The following STK38L variants were observed in gnomAD, a reference collection of about 807,000 sequenced individuals.
STK38L encodes serine/threonine kinase 38 like.
A neutral mutation model predicts 59.7 loss-of-function variants in STK38L; 28 were observed. The observed-to-expected ratio is 0.47, with a 90% CI of 0.35 to 0.64. The LOEUF is 0.64. STK38L is among the 30% of genes least tolerant of loss of function. The pLI, the probability that STK38L is intolerant of heterozygous loss-of-function variation, is 0.01. For missense variants in STK38L, 314 were observed against 555.8 expected, an observed-to-expected ratio of 0.56 and a Z score of 4.37; for synonymous variants, 162 against 176.8, an observed-to-expected ratio of 0.92 and a Z score of 0.66.
At chr12:27,302,500 A>T in intron 3 of STK38L, 2 of 193,302 alleles carry the variant, frequency 1.0e-5, no homozygotes, top group Non-Finnish European at 2.1e-5. Context: ...TATTCTTTTA[A>T]AGCTATCTAT....
At chr12:27,265,262 A>G (rs962633096) in intron 1 of STK38L, among the ~76,000 whole-genome samples, 14 of 152,188 alleles carry the variant, frequency 9.2e-5, no homozygotes, top group African/African-American at 3.4e-4. Context: ...GGGATAGGAA[A>G]TATGTATGTG....
chr12:27,311,318 C>T (rs1308311634), intron 5 of STK38L, among the ~76,000 whole-genome samples: 1 of 152,190 alleles, frequency 6.6e-6, no homozygotes, highest in Non-Finnish European at 1.5e-5. Flanking sequence ...GTTCTTACTC[C>T]TCAACTCTTA....
chr12:27,322,513 G>A lies in STK38L; in HGVS notation c.*58G>A. 1 of 1,584,192 alleles carries A rather than the reference G, an allele frequency of 6.3e-7. No homozygotes were observed. The highest frequency in any genetic ancestry group is 1.2e-5 in the South Asian group (1 of 85,438). On this transcript the variant is annotated 3_prime_UTR_variant, in exon 14 of 14. Coordinates refer to ENST00000389032, the MANE Select transcript of STK38L (RefSeq NM_015000.4). ...CTCAGGTAGCTGCATCACCAGGCTT[G>A]CTTGGCGTAGATAACAATACACTGA...
chr12:27,290,712 CG>C (rs1943877490), intron 1 of STK38L, among the ~76,000 whole-genome samples: 1 of 152,056 alleles, frequency 6.6e-6, no homozygotes, highest in South Asian at 2.1e-4. Context: ...AGTCTGGGCA[CG>C]TGGGAATGGA....
intron 3 of STK38L, 77 bp downstream of exon 3, chr12:27,302,265 A>T (rs1047084718): frequency 5.3e-5 from 58 of 1,097,824 alleles, no homozygotes; most frequent in Middle Eastern, 2.1e-4. Context: ...GGTATTTTAT[A>T]ACTTAAATAA....
intron 1 of STK38L, among the ~76,000 whole-genome samples, chr12:27,252,011 G>T (rs1350918292): frequency 6.6e-6 from 1 of 151,898 alleles, no homozygotes; most frequent in Non-Finnish European, 1.5e-5. Context: ...ACGGAGTCTC[G>T]CTGTGTCACC....
At chr12:27,310,709 A>G (rs1232406342) in intron 5 of STK38L, among the ~76,000 whole-genome samples, 1 of 152,214 alleles carries the variant, frequency 6.6e-6, no homozygotes, top group Non-Finnish European at 1.5e-5. Context: ...AAAATTACAT[A>G]CATGACTTGT....
rs1384124762 is a variant in STK38L, at chr12:27,308,942, T to TATATATTA, written c.310-166_310-165insTAATATAT. On this transcript the variant is annotated intron_variant, in intron 4 of 13. Coordinates refer to ENST00000389032, the MANE Select transcript of STK38L (RefSeq NM_015000.4). This position sits in a 1 kb window ranked among gnomAD's most constrained non-coding sequence, Gnocchi z 4.5. ...TTAATATATATAAAATATATATAAA[T>TATATATTA]ATATATATAACATATATAAAAATAT... is the stretch of plus-strand genomic sequence containing the variant. Among the ~76,000 whole-genome samples, 6 of 143,910 alleles carry TATATATTA rather than the reference T, an allele frequency of 4.2e-5. No individual in the cohort carries two copies. Among genetic ancestry groups the TATATATTA allele is most frequent in the East Asian group, 2.0e-4 (1 of 5,110 alleles). The allele number at this position is 143,910 out of a possible 152,430, so 94.4% of individuals were successfully genotyped here.
chr12:27,255,088 T>G (rs1277113428), intron 1 of STK38L, among the ~76,000 whole-genome samples: 1 of 152,158 alleles, frequency 6.6e-6, no homozygotes, highest in African/African-American at 2.4e-5. Flanking sequence ...TCAATGAAAA[T>G]TATAAGCACA....
intron 2 of STK38L, among the ~76,000 whole-genome samples, chr12:27,301,423 T>C (rs1357241352): frequency 1.3e-5 from 2 of 152,170 alleles, no homozygotes; most frequent in African/African-American, 4.8e-5. Context: ...CATGCTCGGC[T>C]AATTTTTTTT....
chr12:27,300,854 T>G (rs1211035963), intron 2 of STK38L, among the ~76,000 whole-genome samples: 2 of 152,228 alleles, frequency 1.3e-5, no homozygotes, highest in Non-Finnish European at 2.9e-5. Flanking sequence ...CTAAGTGATC[T>G]TAATGATGGT....
At chr12:27,321,705 A>T (rs1481314589) in intron 12 of STK38L, among the ~76,000 whole-genome samples, 1 of 152,324 alleles carries the variant, frequency 6.6e-6, no homozygotes, top group South Asian at 2.1e-4. Context: ...AATAGAATGA[A>T]TAAGACCTAT....
chr12:27,279,026 T>C (rs1943596005), intron 1 of STK38L, among the ~76,000 whole-genome samples: 1 of 152,218 alleles, frequency 6.6e-6, no homozygotes, highest in Admixed American at 6.5e-5. Context: ...ATACAGACAG[T>C]CCCTGACTTA....
In STK38L at chr12:27,315,466, C is replaced by T. The variant is rs546688338; in HGVS notation, c.837+116C>T. On this transcript the variant is annotated intron_variant, in intron 9 of 13. Transcript: ENST00000389032. ...AGTATTTACTTCATAACAATGGTAG[C>T]GCTTGCTCTGGGATCACACAGTTTT... 4.2e-5 allele frequency: 33 copies of T among 785,884 alleles called. 1 individual carries two copies. In the South Asian group the frequency reaches 4.9e-4, roughly 12 times the overall value. 48.7% of individuals were successfully genotyped at this position (785,884 alleles called of 1,614,324 possible).
chr12:27,297,958 C>A, intron 2 of STK38L, 104 bp downstream of exon 2: 1 of 1,399,776 alleles, frequency 7.1e-7, no homozygotes, highest in South Asian at 1.4e-5. Flanking sequence ...TTATGGATCC[C>A]TGCATGCTGT....
chr12:27,247,715 G>A (rs998707285), intron 1 of STK38L, among the ~76,000 whole-genome samples: 10 of 151,650 alleles, frequency 6.6e-5, no homozygotes, highest in Admixed American at 6.6e-4. Context: ...TCACTGTCTT[G>A]CCCAGCCTGG....
At chr12:27,284,220 T>C (rs527798424) in intron 1 of STK38L, among the ~76,000 whole-genome samples, 1 of 152,070 alleles carries the variant, frequency 6.6e-6, no homozygotes, top group Admixed American at 6.6e-5. Context: ...TGTTCTGATA[T>C]CCAACTTTGC....
chr12:27,274,871 A>G (rs1183123531), intron 1 of STK38L, among the ~76,000 whole-genome samples: 1 of 152,196 alleles, frequency 6.6e-6, no homozygotes, highest in Non-Finnish European at 1.5e-5. Context: ...ACAGTATCTC[A>G]GTAATCTCCG....
At position 27,289,082 on chromosome 12, in the gene STK38L, A is replaced by C. The variant is rs1180262367; in HGVS notation, c.-11-8628A>C. ...CATTTCTGCTGAGGTAATTTTTTAA[A>C]GTTAACTATGACTTGATTCAGCTGA... On this transcript the variant is annotated intron_variant, in intron 1 of 13. Transcript: ENST00000389032. Among the ~76,000 whole-genome samples, 4 of 152,168 alleles carry C rather than the reference A, an allele frequency of 2.6e-5. No homozygotes were observed. The East Asian group carries it at 7.7e-4, about 29-fold the overall frequency.
Sources: allele counts gnomAD v4.1 joint callset (sites outside exome capture counted in the v4.1 genomes callset), GRCh38; gene constraint gnomAD v4.1.1; non-coding constraint Gnocchi (gnomAD v3.1); transcripts MANE v1.5; gene names NCBI Gene and HGNC (gene_info 2026-07-23, HGNC 2026-07-21).